Variants in TRPM5 observed in about 807,000 individuals in gnomAD.
The protein encoded by TRPM5 is transient receptor potential cation channel subfamily M member 5.
Under a neutral mutation model 124.9 loss-of-function variants are expected in TRPM5, and 121 were observed. That is an observed-to-expected ratio of 0.97 (90% CI 0.84 to 1.13). The LOEUF is 1.13. Ranked by LOEUF, TRPM5 falls within the 50% of genes most tolerant of loss-of-function variation. The probability of loss-of-function intolerance (pLI) is 0.00; values close to 1 mark genes in which losing one functional copy is unlikely to be tolerated. For missense variants in TRPM5, 1,643 were observed against 1,589.1 expected, an observed-to-expected ratio of 1.03 and a Z score of -0.58; for synonymous variants, 781 against 700.5, an observed-to-expected ratio of 1.11 and a Z score of -1.81.
chr11:2,430,764 GTGGTGGTGATGGTGGTGTTGA>G, the TRPM5 span, among the ~76,000 whole-genome samples: 2 of 149,386 alleles, frequency 1.3e-5, no homozygotes, highest in Non-Finnish European at 3.0e-5. Flanking sequence ...GGTGGTTTTG[GTGGTGGTGATGGTGGTGTTGA>G]TGGTGGTGGT....
exon 10 of TRPM5, chr11:2,414,979 G>T (rs955851754): frequency 3.7e-6 from 6 of 1,607,372 alleles, no homozygotes; most frequent in Non-Finnish European, 5.1e-6. Flanking sequence ...CCCGCCAGGG[G>T]TTCTCGCTCT....
rs1424439672 is a variant in TRPM5 at position 2,421,024 on chromosome 11, A to ACGTGCACCTGGG, written c.461_465+7dup. Reference sequence around the variant, plus strand: ...CAGCGGTCGTGGTGCTGGGAGCTGGACGTGCACCTGGGCCTCCTCCAGAAT... The same window carrying ACGTGCACCTGGG: ...CAGCGGTCGTGGTGCTGGGAGCTGGACGTGCACCTGGGCGTGCACCTGGGCCTCCTCCAGAAT... On this transcript the variant is annotated splice_region_variant and intron_variant, in intron 3 of 23. Transcript: ENST00000155858. 4 of 1,535,966 alleles carry ACGTGCACCTGGG rather than the reference A, an allele frequency of 2.6e-6. No homozygotes were observed. The highest frequency in any genetic ancestry group is 3.5e-6 in the Non-Finnish European group (4 of 1,144,308).
the TRPM5 span, among the ~76,000 whole-genome samples, chr11:2,434,056 G>A: frequency 2.6e-3 from 390 of 152,134 alleles, 4 homozygotes; most frequent in African/African-American, 9.0e-3. Context: ...CGCAGTGTGC[G>A]CGTGCATGTT....
chr11:2,434,414 T>G, the TRPM5 span, among the ~76,000 whole-genome samples: 1 of 149,924 alleles, frequency 6.7e-6, no homozygotes, highest in Non-Finnish European at 1.5e-5. Context: ...TGTGTGTAGG[T>G]GCACTGTGTG....
At chr11:2,404,049 T>C (rs1030219860), downstream of TRPM5, among the ~76,000 whole-genome samples, 8 of 152,164 alleles carry the variant, frequency 5.3e-5, no homozygotes, top group African/African-American at 1.9e-4. Flanking sequence ...CCTCTAGGGC[T>C]TGTGGCTCAG....
In TRPM5 at chr11:2,414,775, C is replaced by G. The variant is rs957578898; in HGVS notation, c.1684G>C (p.Glu562Gln). The G allele has an allele frequency of 3.8e-6, 6 of 1,561,200 alleles. No homozygotes were observed. In the African/African-American group the frequency reaches 6.8e-5, roughly 18 times the overall value. ...GCTCGGGCCGCCTCGGCCTCCGTCT[C>G]CAGGTGCGACATCTCTTTGAGGATT... The change falls in exon 11 of 24, where the codon GAG becomes CAG. Residue 562 changes from glutamate (E) to glutamine (Q), a missense_variant. Transcript: ENST00000155858.
chr11:2,430,866 T>TTGA, the TRPM5 span, among the ~76,000 whole-genome samples: 2 of 101,404 alleles, frequency 2.0e-5, no homozygotes, highest in East Asian at 6.9e-4. Flanking sequence ...GGAGGTGGTG[T>TTGA]TGGTGGTGGT....
chr11:2,436,630 G>T, the TRPM5 span, among the ~76,000 whole-genome samples: 2 of 152,224 alleles, frequency 1.3e-5, no homozygotes, highest in Admixed American at 1.3e-4. Flanking sequence ...ACTCCCACTG[G>T]GGGTGGGAAG....
chr11:2,418,279 G>T, exon 6 of TRPM5: 2 of 1,580,462 alleles, frequency 1.3e-6, no homozygotes, highest in Non-Finnish European at 1.7e-6. Context: ...GTTCACTAGG[G>T]CAGCAAGCAC....
At chr11:2,407,429 C>T in intron 19 of TRPM5, 129 bp from the exon 25 acceptor site, 1 of 934,768 alleles carries the variant, frequency 1.1e-6, no homozygotes, top group Non-Finnish European at 1.6e-6. Flanking sequence ...TTCTGCGTTG[C>T]CTCTGGGGTG....
At chr11:2,420,150 C>A in intron 4 of TRPM5, 72 bp downstream of exon 9, 1 of 1,513,210 alleles carries the variant, frequency 6.6e-7, no homozygotes, top group East Asian at 2.3e-5. Context: ...GTCACCCCCA[C>A]TCTCCCACAG....
intron 7 of TRPM5, among the ~76,000 whole-genome samples, chr11:2,416,809 C>T (rs1316657287): frequency 6.6e-6 from 1 of 152,186 alleles, no homozygotes; most frequent in Non-Finnish European, 1.5e-5. Context: ...TCGTCTCCAG[C>T]AAAAAGCACA....
Position 2,414,840 on chromosome 11 carries a change from T to G in TRPM5, c.1621-2A>C. 7 of 1,591,928 alleles carry G rather than the reference T, an allele frequency of 4.4e-6. No individual in the cohort carries two copies. Among genetic ancestry groups the G allele is most frequent in the Non-Finnish European group, 6.0e-6 (7 of 1,170,456 alleles). On this transcript the variant is annotated splice_acceptor_variant, in intron 10 of 23. Coordinates refer to ENST00000155858, the Ensembl canonical transcript of TRPM5. LOFTEE classifies it high-confidence loss of function. ...TGCGGCTGCCACACCTTCCTGGCCC[T>G]ACGAGACCTGGTCTCAGGAGGCCGC...
intron 12 of TRPM5, 35 bp downstream of exon 17, chr11:2,414,026 C>CCCCCCA: frequency 6.5e-7 from 1 of 1,543,152 alleles, no homozygotes; most frequent in Admixed American, 2.0e-5. Flanking sequence ...CACCCCACCC[C>CCCCCCA]CTGGCAGCTC....
rs141945070 is a variant in TRPM5 at position 2,406,269 on chromosome 11, A to G, written c.3252-178T>C. On this transcript the variant is annotated intron_variant, in intron 21 of 23. Transcript: ENST00000155858. ...GGACCCCTCAAAGTGCACCTGGTGC[A>G]GTACAGAGCGCTCTATGCCTTCCCA... Among the ~76,000 whole-genome samples the G allele has an allele frequency of 1.9e-3, 285 of 152,248 alleles. 1 individual carries two copies. The highest frequency in any genetic ancestry group is 2.7e-3 in the Non-Finnish European group (185 of 67,988).
the TRPM5 span, among the ~76,000 whole-genome samples, chr11:2,440,562 G>A: frequency 2.0e-5 from 3 of 152,028 alleles, no homozygotes; most frequent in Non-Finnish European, 1.5e-5. This position sits in a 1 kb window ranked among gnomAD's most constrained non-coding sequence, Gnocchi z 5.2. Context: ...TTTGCTGAAG[G>A]GCCTGCTCCA....
Position 2,420,109 on chromosome 11 carries a change from G to A in TRPM5, c.649+113C>T, listed in dbSNP as rs554678056. On this transcript the variant is annotated intron_variant, in intron 4 of 23. Transcript: ENST00000155858. Reference sequence around the variant, plus strand: ...TGCTCAGGCATGCGGGGTGCGTTCTGCCTGGGAAGCCCTCCCCCTTCTCCC... The same window carrying A: ...TGCTCAGGCATGCGGGGTGCGTTCTACCTGGGAAGCCCTCCCCCTTCTCCC... The A allele has an allele frequency of 1.6e-4, 207 of 1,288,640 alleles. 2 individuals carry two copies. The South Asian group carries it at 2.7e-3, about 17-fold the overall frequency. The allele number at this position is 1,288,640 out of a possible 1,614,324, so 79.8% of individuals were successfully genotyped here.
intron 7 of TRPM5, among the ~76,000 whole-genome samples, chr11:2,417,379 C>T (rs1366498516): frequency 6.6e-6 from 1 of 151,806 alleles, no homozygotes; most frequent in African/African-American, 2.4e-5. Flanking sequence ...CACTTCAACT[C>T]GGGAGGTGGA....
chr11:2,413,396 G>T, intron 13 of TRPM5, 80 bp downstream of exon 18: 2 of 1,401,492 alleles, frequency 1.4e-6, no homozygotes, highest in Non-Finnish European at 1.9e-6. Context: ...ACCAGCACCT[G>T]CGAGGCCCAG....
Sources: allele counts gnomAD v4.1 joint callset (sites outside exome capture counted in the v4.1 genomes callset), GRCh38; gene constraint gnomAD v4.1.1; non-coding constraint Gnocchi (gnomAD v3.1); transcripts MANE v1.5; gene names NCBI Gene and HGNC (gene_info 2026-07-23, HGNC 2026-07-21).